Variants in NFATC3 observed in about 807,000 individuals in gnomAD.
NFATC3 encodes nuclear factor of activated T-cells, cytoplasmic 3.
Under a neutral mutation model 98.6 loss-of-function variants are expected in NFATC3, and 46 were observed. That is an observed-to-expected ratio of 0.47 (90% CI 0.37 to 0.60). NFATC3 has a LOEUF of 0.60. Among genes scored for constraint, NFATC3 ranks in the 20% least tolerant of loss-of-function variants. NFATC3 has a pLI of 0.00. For missense variants in NFATC3, 1,256 were observed against 1,295.5 expected, an observed-to-expected ratio of 0.97 and a Z score of 0.47; for synonymous variants, 512 against 472.2, an observed-to-expected ratio of 1.08 and a Z score of -1.09.
In NFATC3 at chr16:68,181,657, A is replaced by G. The variant is rs534592304; in HGVS notation, c.1971+127A>G. 3.7e-3 allele frequency: 2,296 copies of G among 628,248 alleles called. 11 individuals carry two copies. Among genetic ancestry groups the G allele is most frequent in the Non-Finnish European group, 5.0e-3 (1,810 of 362,508 alleles). 38.9% of individuals were successfully genotyped at this position (628,248 alleles called of 1,614,324 possible). A position where few individuals can be genotyped will look rare whatever the true frequency, so the allele number is the denominator to read the frequency against. On this transcript the variant is annotated intron_variant, in intron 7 of 9. Transcript: ENST00000346183. ...ATAAAAAAGTAAAATTAGGCTGGGC[A>G]TGGTGGCTCATGCCTGTAATCCCAG...
At chr16:68,217,438 A>C (rs1598622410) in intron 9 of NFATC3, among the ~76,000 whole-genome samples, 1 of 147,796 alleles carries the variant, frequency 6.8e-6, no homozygotes, top group East Asian at 2.0e-4. Context: ...CAGCCTGGGC[A>C]ACAGAGCAAG....
chr16:68,226,071 G>GT (rs1262953448), intron 9 of NFATC3: 4 of 262,760 alleles, frequency 1.5e-5, no homozygotes, highest in Non-Finnish European at 2.8e-5. Flanking sequence ...AAAAGTTAGA[G>GT]TAAGGTGAAT....
At position 68,164,021 on chromosome 16, in the gene NFATC3, A is replaced by G. The variant is rs1200834544; in HGVS notation, c.1602-2822A>G. Among the ~76,000 whole-genome samples, 9 of 150,080 alleles carry G rather than the reference A, an allele frequency of 6.0e-5. 1 individual carries two copies. The highest frequency in any genetic ancestry group is 1.3e-4 in the Admixed American group (2 of 15,106). On this transcript the variant is annotated intron_variant, in intron 4 of 9. Transcript: ENST00000346183. ...GGGTGGCGGCCGGGCAGAGGCTGCA[A>G]TCTCGGCACTTTGGGAGGCCAAGGC...
chr16:68,139,779 G>T (rs895863470), intron 3 of NFATC3, among the ~76,000 whole-genome samples: 4 of 152,120 alleles, frequency 2.6e-5, no homozygotes, highest in African/African-American at 9.7e-5. Context: ...GTAGCTGGGG[G>T]TTCACTGAGG....
At chr16:68,189,235 T>G (rs961113882) in intron 8 of NFATC3, 1 of 153,106 alleles carries the variant, frequency 6.5e-6, no homozygotes, top group African/African-American at 2.4e-5. Context: ...AGTTTTTAAA[T>G]CAGGAAGTCC....
intron 1 of NFATC3, among the ~76,000 whole-genome samples, chr16:68,116,966 C>T (rs1471391993): frequency 6.6e-6 from 1 of 152,088 alleles, no homozygotes; most frequent in Non-Finnish European, 1.5e-5. Flanking sequence ...GCTATATATA[C>T]CCTTTGAACT....
chr16:68,173,467 T>G (rs1489606866), intron 5 of NFATC3, among the ~76,000 whole-genome samples: 3 of 151,974 alleles, frequency 2.0e-5, no homozygotes, highest in Non-Finnish European at 4.4e-5. Flanking sequence ...CTCAGGAGAC[T>G]GAGGCAGGAG....
chr16:68,190,987 G>A lies in NFATC3; in HGVS notation c.2318G>A (p.Ser773Asn), dbSNP rs1451591253. The change falls in exon 9 of 10, where the codon AGT becomes AAT. Residue 773 changes from serine (S) to asparagine (N), a missense_variant. Around this residue, in one of 3 missense-constraint regions of NFATC3, gnomAD observed 636 missense variants for 617.3 expected, o/e 1.03. Transcript: ENST00000346183. Reference sequence around the variant, plus strand: ...CCACAGTTGCAGTGTAGAGATGAGAGTGTTAGTAAAGAACAGCATATGATT... The same window carrying A: ...CCACAGTTGCAGTGTAGAGATGAGAATGTTAGTAAAGAACAGCATATGATT... ...HLPQLQCRDE[S>N]VSKEQHMIPS... 1 of 1,614,220 alleles carries A rather than the reference G, an allele frequency of 6.2e-7. No homozygotes were observed. The highest frequency in any genetic ancestry group is 8.5e-7 in the Non-Finnish European group (1 of 1,180,034).
chr16:68,121,996 C>A lies in NFATC3; in HGVS notation c.113C>A (p.Pro38Gln), dbSNP rs1418045279. The change falls in exon 2 of 10, where the codon CCA (proline) becomes CAA (glutamine). Residue 38 changes from proline to glutamine, a missense_variant. By Grantham distance (76) the Pro-to-Gln change is moderately conservative. This residue lies in a region of NFATC3 where 464 missense variants were observed against 465.7 expected (regional missense o/e 1.00). Transcript: ENST00000346183. ...PPGSRPADLEPDDCASIYIFN... is the reference protein window; with the variant it reads ...PPGSRPADLEQDDCASIYIFN... Reference sequence around the variant, plus strand: ...GCCTTCCTCCCCGTAGATCTTGAGCCAGATGATTGTGCATCCATTTACATC... The same window carrying A: ...GCCTTCCTCCCCGTAGATCTTGAGCAAGATGATTGTGCATCCATTTACATC... The A allele has an allele frequency of 6.3e-7, 1 of 1,596,360 alleles. No individual in the cohort carries two copies. The highest frequency in any genetic ancestry group is 8.5e-7 in the Non-Finnish European group (1 of 1,170,984).
intron 5 of NFATC3, among the ~76,000 whole-genome samples, chr16:68,167,973 C>T (rs1023284865): frequency 7.3e-5 from 11 of 150,954 alleles, no homozygotes; most frequent in African/African-American, 2.4e-4. Flanking sequence ...GCTGGGATTA[C>T]AGGCACCCGC....
Position 68,121,981 on chromosome 16 carries a change from C to G in NFATC3, c.104-6C>G. 1 of 1,568,296 alleles carries G rather than the reference C, an allele frequency of 6.4e-7. No homozygotes were observed. Among genetic ancestry groups the G allele is most frequent in the Non-Finnish European group, 8.6e-7 (1 of 1,160,276 alleles). ...GGTTTTTTTTTTTTTGCCTTCCTCC[C>G]CGTAGATCTTGAGCCAGATGATTGT... On this transcript the variant is annotated splice_polypyrimidine_tract_variant and splice_region_variant and intron_variant, in intron 1 of 9. Coordinates refer to ENST00000346183, the MANE Select transcript of NFATC3 (RefSeq NM_173165.3).
chr16:68,220,456 A>G (rs7194326), intron 9 of NFATC3, among the ~76,000 whole-genome samples: 4,578 of 151,560 alleles, frequency 0.03, 205 homozygotes, highest in African/African-American at 0.1. Context: ...GTAAGACTCT[A>G]TCTCAAAAAA....
At chr16:68,166,598 G>C (rs1323397861) in intron 4 of NFATC3, among the ~76,000 whole-genome samples, 1 of 152,234 alleles carries the variant, frequency 6.6e-6, no homozygotes, top group Non-Finnish European at 1.5e-5. Context: ...AGGCATGCAA[G>C]TACTGGAATG....
intron 1 of NFATC3, among the ~76,000 whole-genome samples, chr16:68,113,825 G>C (rs2036114708): frequency 6.6e-6 from 1 of 152,200 alleles, no homozygotes; most frequent in African/African-American, 2.4e-5. Context: ...GAAGGATCTG[G>C]GTCCCACCTA....
At chr16:68,197,010 A>C (rs993131411) in intron 9 of NFATC3, among the ~76,000 whole-genome samples, 4 of 152,190 alleles carry the variant, frequency 2.6e-5, no homozygotes, top group Non-Finnish European at 5.9e-5. Flanking sequence ...AGCCTGGGCA[A>C]CAAGAGTGAA....
intron 9 of NFATC3, among the ~76,000 whole-genome samples, chr16:68,214,881 CAT>C (rs1314392476): frequency 6.6e-6 from 1 of 152,096 alleles, no homozygotes; most frequent in Non-Finnish European, 1.5e-5. Context: ...CCTGTGGGCC[CAT>C]GTTTGCACTT....
chr16:68,196,758 G>A (rs1467681282), intron 9 of NFATC3, among the ~76,000 whole-genome samples: 3 of 152,034 alleles, frequency 2.0e-5, no homozygotes, highest in East Asian at 1.9e-4. Context: ...ATGGCTGGGC[G>A]CAGTGGCTCA....
In NFATC3 at chr16:68,176,350, C is replaced by CTT. The variant is rs534346720; in HGVS notation, c.1915+1849_1915+1850dup. Among the ~76,000 whole-genome samples the CTT allele has an allele frequency of 7.0e-3, 1,003 of 143,908 alleles. 12 individuals carry two copies. The highest frequency in any genetic ancestry group is 0.024 in the African/African-American group (944 of 39,462). The allele number at this position is 143,908 out of a possible 152,430, so 94.4% of individuals were successfully genotyped here. On this transcript the variant is annotated intron_variant, in intron 6 of 9. Transcript: ENST00000346183. ...TGGAAACAACCTAAATGCTCAACAT[C>CTT]TTTTTTTTTTTTTTCTGTTTTTGGA...
chr16:68,205,557 T>C (rs6499162), intron 9 of NFATC3, among the ~76,000 whole-genome samples: 34,787 of 152,086 alleles, frequency 0.23, 4,488 homozygotes, highest in African/African-American at 0.34. Context: ...ACAAGTAATA[T>C]GTTCATGTGG....
Sources: allele counts gnomAD v4.1 joint callset (sites outside exome capture counted in the v4.1 genomes callset), GRCh38; gene constraint gnomAD v4.1.1; regional missense constraint gnomAD v4.1.1; transcripts MANE v1.5; gene names NCBI Gene and HGNC (gene_info 2026-07-23, HGNC 2026-07-21).